The following ITGB2 variants were observed in gnomAD, a reference collection of about 807,000 sequenced individuals.
ITGB2 encodes the protein integrin subunit beta 2, also known as integrin beta-2.
Under a neutral mutation model 86.8 loss-of-function variants are expected in ITGB2, and 56 were observed. The ratio of observed to expected loss-of-function variants is 0.65; its 90% CI spans 0.52 to 0.81. The LOEUF is 0.81. Among genes scored for constraint, ITGB2 ranks in the 30% least tolerant of loss-of-function variants. The pLI is 0.00. For synonymous variants in ITGB2, 457 were observed against 450.4 expected (o/e 1.01, Z -0.19); for missense variants, 948 against 1,061.2 (o/e 0.89, Z 1.48).
chr21:44,899,595 A>G (rs937221849), intron 7 of ITGB2, among the ~76,000 whole-genome samples: 1 of 152,126 alleles, frequency 6.6e-6, no homozygotes, highest in African/African-American at 2.4e-5. Context: ...TGAGTCTTGT[A>G]TCTCTAAAGT....
rs137959302 is a variant in ITGB2 at position 44,900,364 on chromosome 21, G to A, written c.853C>T (p.Arg285Cys). The A allele has an allele frequency of 3.5e-4, 567 of 1,614,172 alleles. No individual in the cohort carries two copies. The highest frequency in any genetic ancestry group is 2.9e-4 in the Non-Finnish European group (338 of 1,180,006). The change falls in exon 7 of 16, where the codon CGC (arginine) becomes TGC (cysteine). Residue 285 changes from arginine (R) to cysteine (C), a missense_variant. Arg to Cys is a radical substitution (Grantham distance 180). Coordinates refer to ENST00000652462, the MANE Select transcript of ITGB2 (RefSeq NM_000211.5). ...TACAAGTTGTCCTCCAGGTGACAGC[G>A]GCCGTCGTTGGGGGTCAGGATGGCG... The part of the protein sequence containing the change: ...LGAILTPNDG[R>C]CHLEDNLYKR...
At chr21:44,888,152 G>C (rs2083726195) in intron 14 of ITGB2, among the ~76,000 whole-genome samples, 1 of 148,642 alleles carries the variant, frequency 6.7e-6, no homozygotes, top group Non-Finnish European at 1.5e-5. Context: ...GAATGAGACA[G>C]GGTCAGTGCC....
At chr21:44,924,509 G>A (rs1318694921), upstream of ITGB2, among the ~76,000 whole-genome samples, 4 of 152,100 alleles carry the variant, frequency 2.6e-5, no homozygotes, top group East Asian at 3.8e-4. Context: ...TTTGAGGAAC[G>A]TAACCATTCG....
intron 7 of ITGB2, among the ~76,000 whole-genome samples, chr21:44,899,780 G>A (rs562325333): frequency 1.1e-4 from 17 of 152,282 alleles, no homozygotes; most frequent in South Asian, 1.0e-3. Context: ...ATCCTAACCC[G>A]TGCATCCTGG....
At chr21:44,921,301 G>A (rs2084300409), upstream of ITGB2, 1 of 152,280 alleles carries the variant, frequency 6.6e-6, no homozygotes, top group Admixed American at 6.6e-5. Flanking sequence ...GAATGGAGCG[G>A]AGGAACCAGC....
intron 5 of ITGB2, 64 bp from the exon 6 acceptor site, chr21:44,901,797 A>C (rs1313075506): frequency 6.4e-7 from 1 of 1,554,324 alleles, no homozygotes; most frequent in African/African-American, 1.4e-5. Flanking sequence ...GGCCAGCTTC[A>C]AAGGGGCACG....
intron 15 of ITGB2, 22 bp downstream of exon 15, chr21:44,886,714 A>T: frequency 6.2e-7 from 1 of 1,613,310 alleles, no homozygotes; most frequent in Non-Finnish European, 8.5e-7. Flanking sequence ...TCTGCGTGGG[A>T]CCCCCAAGGA....
chr21:44,886,013 A>G lies in ITGB2; in HGVS notation c.*355T>C. ...TTTCTATACACGTGATTGATTAACA[A>G]TATAATTAATGGGATGTCATTTTAT... On this transcript the variant is annotated 3_prime_UTR_variant, in exon 16 of 16. Coordinates refer to ENST00000652462, the MANE Select transcript of ITGB2 (RefSeq NM_000211.5). The G allele has an allele frequency of 2.8e-6, 1 of 357,562 alleles. No homozygotes were observed. The highest frequency in any genetic ancestry group is 5.3e-6 in the Non-Finnish European group (1 of 187,474). 22.1% of individuals were successfully genotyped at this position (357,562 alleles called of 1,614,324 possible).
Position 44,889,385 on chromosome 21 carries a change from A to G in ITGB2, c.1768T>C (p.Cys590Arg), listed in dbSNP as rs1064794298. ...EGCLNPRRVE[C>R]SGRGRCRCNV... ...CAGCGGCACCGGCCACGACCACTAC[A>G]CTCAACACGCCGCGGGTTCAGGCAG... The change falls in exon 13 of 16, where the codon TGT becomes CGT. Residue 590 changes from cysteine to arginine, a missense_variant. Physicochemically the swap from Cys to Arg is radical, Grantham distance 180. Coordinates refer to ENST00000652462, the MANE Select transcript of ITGB2 (RefSeq NM_000211.5). 5 of 1,612,456 alleles carry G rather than the reference A, an allele frequency of 3.1e-6. No homozygotes were observed. The highest frequency in any genetic ancestry group is 1.3e-5 in the African/African-American group (1 of 74,800).
intron 8 of ITGB2, among the ~76,000 whole-genome samples, chr21:44,897,665 A>G (rs1050990482): frequency 2.0e-5 from 3 of 152,170 alleles, no homozygotes; most frequent in Non-Finnish European, 2.9e-5. Flanking sequence ...GCTGGGTGTG[A>G]GGTGAGCCAC....
intron 8 of ITGB2, 44 bp from the exon 9 acceptor site, chr21:44,895,104 C>T (rs1380119089): frequency 2.8e-6 from 4 of 1,437,288 alleles, no homozygotes; most frequent in Non-Finnish European, 3.9e-6. Context: ...AGGACCTGTG[C>T]CACGGCATCT....
chr21:44,886,623 G>T, intron 15 of ITGB2, 113 bp downstream of exon 15: 1 of 1,516,638 alleles, frequency 6.6e-7, no homozygotes, highest in South Asian at 1.1e-5. Context: ...AAGCTGCCTG[G>T]GGAGGCCGGG....
At chr21:44,920,327 G>A (rs1030247924) in intron 1 of ITGB2, among the ~76,000 whole-genome samples, 2 of 151,912 alleles carry the variant, frequency 1.3e-5, no homozygotes, top group African/African-American at 2.4e-5. Context: ...TACACACCAC[G>A]AACCACACCA....
Position 44,889,946 on chromosome 21 carries a change from G to A in ITGB2, c.1657+32C>T, listed in dbSNP as rs371454881. On this transcript the variant is annotated intron_variant, in intron 12 of 15. Transcript: ENST00000652462. ...CAACACCAAGTCTGTGCCGCAGGAC[G>A]GCCGTTGTCCAGCAGGGACCCACGG... 46 of 1,611,658 alleles carry A rather than the reference G, an allele frequency of 2.9e-5. No individual in the cohort carries two copies. The East Asian group carries it at 3.6e-4, about 12-fold the overall frequency.
chr21:44,910,834 G>T, intron 1 of ITGB2, 49 bp from the exon 2 acceptor site: 3 of 1,566,636 alleles, frequency 1.9e-6, no homozygotes, highest in Non-Finnish European at 2.6e-6. Flanking sequence ...AACCCCTGGG[G>T]CTGACCACCC....
At chr21:44,901,806 C>A in intron 5 of ITGB2, 73 bp from the exon 6 acceptor site, 1 of 1,511,428 alleles carries the variant, frequency 6.6e-7, no homozygotes. Flanking sequence ...CAAAGGGGCA[C>A]GAGGGCAAGC....
intron 1 of ITGB2, chr21:44,928,545 C>T (rs912755102): frequency 6.5e-6 from 1 of 152,912 alleles, no homozygotes; most frequent in African/African-American, 2.4e-5. Context: ...CACTAAACCT[C>T]ATTCCTCCAC....
At chr21:44,898,388 G>A (rs192895056) in intron 8 of ITGB2, among the ~76,000 whole-genome samples, 34 of 152,260 alleles carry the variant, frequency 2.2e-4, no homozygotes, top group African/African-American at 6.7e-4. Flanking sequence ...CTCCCACCTC[G>A]GGCAGCGGCT....
At chr21:44,924,122 G>A (rs1209157681), upstream of ITGB2, among the ~76,000 whole-genome samples, 2 of 151,942 alleles carry the variant, frequency 1.3e-5, no homozygotes, top group Non-Finnish European at 2.9e-5. Flanking sequence ...ATCTCTAACA[G>A]ATCTCTCTCA....
Sources: gnomAD v4.1 joint callset for allele counts (sites outside exome capture counted in the v4.1 genomes callset) on GRCh38, gnomAD v4.1.1 for gene constraint, MANE v1.5 for transcripts, NCBI Gene and HGNC (gene_info 2026-07-23, HGNC 2026-07-21) for gene names.